CFAP61: variants seen among roughly 807,000 people sequenced by gnomAD.
The protein encoded by CFAP61 is cilia- and flagella-associated protein 61.
Under a neutral mutation model 135.6 loss-of-function variants are expected in CFAP61, and 107 were observed. The ratio of observed to expected loss-of-function variants is 0.79; its 90% CI spans 0.67 to 0.93. The LOEUF (loss-of-function observed/expected upper bound fraction) is 0.93. Among genes scored for constraint, CFAP61 ranks in the 40% least tolerant of loss-of-function variants. The pLI is 0.00. For synonymous variants in CFAP61, 575 were observed against 578.5 expected, an observed-to-expected ratio of 0.99 and a Z score of 0.09; for missense variants, 1,507 against 1,556.2, an observed-to-expected ratio of 0.97 and a Z score of 0.53.
intron 12 of CFAP61, among the ~76,000 whole-genome samples, chr20:20,167,598 CA>C (rs2146817765): frequency 6.6e-6 from 1 of 152,266 alleles, no homozygotes; most frequent in South Asian, 2.1e-4. Flanking sequence ...CTTAATCCTT[CA>C]AATCCAAGAT....
At chr20:20,175,129 G>A (rs34311731) in intron 13 of CFAP61, among the ~76,000 whole-genome samples, 1 of 152,342 alleles carries the variant, frequency 6.6e-6, no homozygotes, top group Admixed American at 6.5e-5. Context: ...CTGGCTTTTA[G>A]AAAGTGAGGC....
intron 20 of CFAP61, among the ~76,000 whole-genome samples, chr20:20,252,535 A>G (rs2051021854): frequency 1.3e-5 from 2 of 150,594 alleles, no homozygotes; most frequent in African/African-American, 2.4e-5. Flanking sequence ...TTCTTAAAAC[A>G]TTATGACTTT....
At chr20:20,332,928 A>C (rs115859002) in intron 25 of CFAP61, among the ~76,000 whole-genome samples, 64 of 152,282 alleles carry the variant, frequency 4.2e-4, no homozygotes, top group African/African-American at 1.5e-3. Flanking sequence ...ATTTCCACAT[A>C]ATTCTTTAGT....
rs138513303 is a variant in CFAP61, at chr20:20,120,752, G to A, written c.859+21938G>A. The stretch of plus-strand genomic sequence containing the variant: ...GTGTTGAAGCCCTTACTACTATTAC[G>A]TTGCAGTCTATCTCTCCCTTCACAT... On this transcript the variant is annotated intron_variant, in intron 8 of 26. Coordinates refer to ENST00000245957, the MANE Select transcript of CFAP61 (RefSeq NM_015585.4). 3.9e-3 allele frequency among the ~76,000 whole-genome samples: 597 copies of A among 152,154 alleles called. 1 individual carries two copies. Among genetic ancestry groups the A allele is most frequent in the Non-Finnish European group, 6.0e-3 (405 of 67,982 alleles).
chr20:20,295,778 T>C (rs183829450), intron 24 of CFAP61, among the ~76,000 whole-genome samples: 8 of 151,348 alleles, frequency 5.3e-5, no homozygotes, highest in African/African-American at 1.9e-4. Flanking sequence ...GTGTGAGTCA[T>C]TGCTCAGACC....
chr20:20,123,553 G>T (rs2049834506), intron 8 of CFAP61, among the ~76,000 whole-genome samples: 2 of 151,590 alleles, frequency 1.3e-5, no homozygotes, highest in African/African-American at 4.9e-5. Context: ...AAGATCAGTT[G>T]GCTGTATTTG....
chr20:20,300,125 G>C (rs1285415976), intron 25 of CFAP61, among the ~76,000 whole-genome samples: 3 of 152,174 alleles, frequency 2.0e-5, no homozygotes, highest in Non-Finnish European at 4.4e-5. Context: ...GTGATGCTGG[G>C]TCAACAAACC....
At chr20:20,111,535 A>G (rs529713171) in intron 8 of CFAP61, among the ~76,000 whole-genome samples, 13 of 152,310 alleles carry the variant, frequency 8.5e-5, no homozygotes, top group Admixed American at 3.3e-4. Flanking sequence ...CCTTAAAGCT[A>G]TCATTCTCAA....
At chr20:20,242,947 A>G (rs2050121937) in intron 18 of CFAP61, among the ~76,000 whole-genome samples, 1 of 152,212 alleles carries the variant, frequency 6.6e-6, no homozygotes, top group African/African-American at 2.4e-5. Context: ...GGAGCCAGGC[A>G]TCCTGGGTTC....
In CFAP61 at chr20:20,222,787, A is replaced by G. The variant is rs180964621; in HGVS notation, c.1933-5462A>G. 4.6e-5 allele frequency among the ~76,000 whole-genome samples: 7 copies of G among 152,296 alleles called. No individual in the cohort carries two copies. In the East Asian group the frequency reaches 1.4e-3, roughly 29 times the overall value. On this transcript the variant is annotated intron_variant, in intron 17 of 26. Coordinates refer to ENST00000245957, the MANE Select transcript of CFAP61 (RefSeq NM_015585.4). ...CCCTTTATTTATTTGTAATATTGCAATACTTTGCCTCAAAGAGGTCAACTT... is the reference window on the plus strand; with the variant it reads ...CCCTTTATTTATTTGTAATATTGCAGTACTTTGCCTCAAAGAGGTCAACTT...
intron 10 of CFAP61, 147 bp downstream of exon 10, chr20:20,159,591 C>G (rs142519298): frequency 3.0e-6 from 2 of 662,818 alleles, no homozygotes; most frequent in African/African-American, 3.6e-5. Context: ...TTAGGACTTG[C>G]TGCACCAAGC....
intron 26 of CFAP61, among the ~76,000 whole-genome samples, chr20:20,352,292 CCCCACTATCATGAGAACA>C (rs555884871): frequency 0.028 from 4,273 of 152,140 alleles, 81 homozygotes; most frequent in Non-Finnish European, 0.041. Context: ...GCATAGTTCA[CCCCACTATCATGAGAACA>C]CCCACTATCA....
At chr20:20,230,370 C>T (rs368613424) in intron 18 of CFAP61, among the ~76,000 whole-genome samples, 4 of 152,266 alleles carry the variant, frequency 2.6e-5, no homozygotes, top group African/African-American at 7.2e-5. Context: ...CAGCAATCAC[C>T]ATGGTAACCT....
At chr20:20,252,480 G>C (rs2051013431) in intron 20 of CFAP61, among the ~76,000 whole-genome samples, 1 of 152,182 alleles carries the variant, frequency 6.6e-6, no homozygotes, top group South Asian at 2.1e-4. Context: ...ATGGCCCATG[G>C]GCCCAAGGTG....
chr20:20,188,726 A>G (rs548865249), intron 14 of CFAP61, among the ~76,000 whole-genome samples: 1 of 152,304 alleles, frequency 6.6e-6, no homozygotes, highest in East Asian at 1.9e-4. Flanking sequence ...CTTTTTTGAT[A>G]CATTTTATTT....
chr20:20,147,322 A>C (rs950151736), intron 9 of CFAP61, among the ~76,000 whole-genome samples: 1 of 152,200 alleles, frequency 6.6e-6, no homozygotes, highest in Non-Finnish European at 1.5e-5. Flanking sequence ...GAATCTCCAA[A>C]CTGTTGTCCA....
intron 8 of CFAP61, among the ~76,000 whole-genome samples, chr20:20,137,997 G>T (rs904739108): frequency 2.0e-5 from 3 of 152,098 alleles, no homozygotes; most frequent in African/African-American, 7.2e-5. Flanking sequence ...GGTCCTTCAT[G>T]TCAAGGCAGC....
chr20:20,346,306 C>T (rs531862174), intron 26 of CFAP61, among the ~76,000 whole-genome samples: 11 of 150,276 alleles, frequency 7.3e-5, no homozygotes, highest in African/African-American at 2.2e-4. Context: ...CGCCCGAGGT[C>T]AGGAGTTCGA....
chr20:20,130,380 C>G (rs538250238), intron 8 of CFAP61, among the ~76,000 whole-genome samples: 2 of 151,780 alleles, frequency 1.3e-5, no homozygotes, highest in Non-Finnish European at 2.9e-5. Flanking sequence ...TTATTAGGGT[C>G]AGTCACTGGC....
Sources: gnomAD v4.1 joint callset for allele counts (sites outside exome capture counted in the v4.1 genomes callset) on GRCh38, gnomAD v4.1.1 for gene constraint, MANE v1.5 for transcripts, NCBI Gene and HGNC (gene_info 2026-07-23, HGNC 2026-07-21) for gene names.